RNF170: variants seen among roughly 807,000 people sequenced by gnomAD.
The protein encoded by RNF170 is ring finger protein 170.
RNF170 carries 12 observed loss-of-function variants against 32.7 expected under a neutral mutation model. The ratio of observed to expected loss-of-function variants is 0.37; its 90% CI spans 0.24 to 0.60. The LOEUF (loss-of-function observed/expected upper bound fraction) is 0.60, where lower values mean the gene tolerates loss of function less well. RNF170 is among the 20% of genes least tolerant of loss of function. The pLI, the probability that RNF170 is intolerant of heterozygous loss-of-function variation, is 0.72. For missense variants in RNF170, 212 were observed against 311.2 expected (o/e 0.68, Z 2.40); for synonymous variants, 91 against 103.6 (o/e 0.88, Z 0.74).
intron 1 of RNF170, among the ~76,000 whole-genome samples, chr8:42,894,978 A>G (rs1806648123): frequency 6.6e-6 from 1 of 151,868 alleles, no homozygotes; most frequent in Admixed American, 6.6e-5. Context: ...CTAAATGATC[A>G]GGGGTCAACT....
chr8:42,879,124 C>T (rs1805178655), intron 2 of RNF170, among the ~76,000 whole-genome samples: 1 of 152,128 alleles, frequency 6.6e-6, no homozygotes, highest in African/African-American at 2.4e-5. Flanking sequence ...GATAATACAC[C>T]TAGTCACCCA....
chr8:42,895,441 T>G (rs1010597445), intron 1 of RNF170, among the ~76,000 whole-genome samples: 1 of 152,138 alleles, frequency 6.6e-6, no homozygotes, highest in Non-Finnish European at 1.5e-5. Flanking sequence ...AAGTGTGTCT[T>G]GGGAAGTTAG....
intron 1 of RNF170, among the ~76,000 whole-genome samples, chr8:42,894,648 T>G (rs1243757414): frequency 1.3e-5 from 2 of 152,146 alleles, no homozygotes; most frequent in Non-Finnish European, 2.9e-5. Context: ...CACTGCAACC[T>G]CAGCCTCCCG....
Position 42,853,309 on chromosome 8 carries a change from A to G in RNF170, c.*2850T>C. The G allele has an allele frequency of 8.4e-7, 1 of 1,192,576 alleles. No homozygotes were observed. The highest frequency in any genetic ancestry group is 1.1e-6 in the Non-Finnish European group (1 of 938,772). 73.9% of individuals were successfully genotyped at this position (1,192,576 alleles called of 1,614,324 possible). A position where few individuals can be genotyped will look rare whatever the true frequency, so the allele number is the denominator to read the frequency against. On this transcript the variant is annotated 3_prime_UTR_variant, in exon 7 of 7. Transcript: ENST00000527424. ...AAATAACACCTTTAAAATGTTTTAG[A>G]TATGTTGCTTTTATTCAAAAGAATA...
intron 2 of RNF170, among the ~76,000 whole-genome samples, chr8:42,879,721 T>TG (rs1805233665): frequency 6.6e-6 from 1 of 151,942 alleles, no homozygotes; most frequent in Admixed American, 6.6e-5. Context: ...TTGCCCAGGC[T>TG]GGGAGTATAG....
Position 42,861,865 on chromosome 8 carries a change from A to G in RNF170, c.397-10T>C. On this transcript the variant is annotated splice_polypyrimidine_tract_variant and intron_variant, in intron 5 of 6. Transcript: ENST00000527424. ...TTAGGAGTAAGGTTACCTGTATATT[A>G]CAGAAAAAAAAATTATTTCAACTTT... 4 of 1,600,196 alleles carry G rather than the reference A, an allele frequency of 2.5e-6. No homozygotes were observed. The highest frequency in any genetic ancestry group is 3.4e-6 in the Non-Finnish European group (4 of 1,174,236).
At chr8:42,887,914 T>C (rs1463154957) in intron 1 of RNF170, 43 bp from the exon 2 acceptor site, 2 of 1,554,390 alleles carry the variant, frequency 1.3e-6, no homozygotes, top group African/African-American at 1.4e-5. Flanking sequence ...AATGACACAG[T>C]GAAAATGAAA....
chr8:42,851,879 T>A (rs963105206), downstream of RNF170, among the ~76,000 whole-genome samples: 1 of 152,208 alleles, frequency 6.6e-6, no homozygotes, highest in Non-Finnish European at 1.5e-5. Context: ...GTGATCCTCC[T>A]GCCTCGGACT....
chr8:42,887,842 A>T lies in RNF170; in HGVS notation c.23T>A (p.Val8Asp). The change falls in exon 2 of 7, where the codon GTT (valine) becomes GAT (aspartate). Residue 8 changes from valine to aspartate, a missense_variant. Around this residue, in one of 2 missense-constraint regions of RNF170, gnomAD observed 115 missense variants for 132.3 expected, o/e 0.87. Coordinates refer to ENST00000527424, the MANE Select transcript of RNF170 (RefSeq NM_030954.4). MAKYQGE[V>D]QSLKLDDDSV... ...ATCATCATCCAGTTTCAAACTTTGA[A>T]CTTCACCTTGATATTTGGCCATTCC... 1 of 1,614,044 alleles carries T rather than the reference A, an allele frequency of 6.2e-7. No homozygotes were observed. Among genetic ancestry groups the T allele is most frequent in the Non-Finnish European group, 8.5e-7 (1 of 1,179,884 alleles).
At chr8:42,868,240 G>T (rs1303270538) in intron 4 of RNF170, among the ~76,000 whole-genome samples, 1 of 152,108 alleles carries the variant, frequency 6.6e-6, no homozygotes, top group African/African-American at 2.4e-5. Flanking sequence ...ACATGGTATG[G>T]GTTCCAAATA....
chr8:42,892,674 G>GT (rs559187435), intron 1 of RNF170, among the ~76,000 whole-genome samples: 9,188 of 130,824 alleles, frequency 0.07, 578 homozygotes, highest in Admixed American at 0.16. Context: ...CTGTTGCAGC[G>GT]TTTTTTTTTT....
At chr8:42,876,615 T>C (rs1804951480) in intron 2 of RNF170, among the ~76,000 whole-genome samples, 1 of 151,990 alleles carries the variant, frequency 6.6e-6, no homozygotes, top group Non-Finnish European at 1.5e-5. Context: ...TAAATGTTTA[T>C]TGTTTAAGCC....
intron 4 of RNF170, among the ~76,000 whole-genome samples, chr8:42,868,848 TTTCAA>T (rs1804314480): frequency 6.7e-6 from 1 of 148,422 alleles, no homozygotes; most frequent in Admixed American, 6.7e-5. Context: ...CGAGACTGCA[TTTCAA>T]AAAAAAAAAA....
downstream of RNF170, chr8:42,850,843 C>G: frequency 6.4e-7 from 1 of 1,551,566 alleles, no homozygotes; most frequent in Non-Finnish European, 8.7e-7. Flanking sequence ...GAAGCATAAA[C>G]GTGGTGAGGC....
At chr8:42,861,611 A>C (rs368676937) in intron 6 of RNF170, 134 bp downstream of exon 6, 2 of 745,948 alleles carry the variant, frequency 2.7e-6, no homozygotes, top group Admixed American at 4.1e-5. Flanking sequence ...CCAAAGTGCT[A>C]GGATTATAGG....
intron 3 of RNF170, 69 bp from the exon 4 acceptor site, chr8:42,870,181 T>C (rs768502877): frequency 1.2e-5 from 13 of 1,092,858 alleles, no homozygotes; most frequent in African/African-American, 3.1e-5. Flanking sequence ...TCATGTTAAA[T>C]TATATTTGAG....
intron 2 of RNF170, among the ~76,000 whole-genome samples, chr8:42,885,864 T>G (rs184478565): frequency 5.3e-4 from 80 of 152,252 alleles, no homozygotes; most frequent in Middle Eastern, 6.8e-3. Context: ...GCTTAAGTGA[T>G]CTTGCCATCT....
At chr8:42,883,570 G>GAAAAAAAAAAA (rs34475440) in intron 2 of RNF170, among the ~76,000 whole-genome samples, 1 of 43,736 alleles carries the variant, frequency 2.3e-5, no homozygotes. Flanking sequence ...CTCTGTCTCA[G>GAAAAAAAAAAA]AAAAAAAAAA....
At chr8:42,873,268 A>G (rs1039723988) in intron 3 of RNF170, among the ~76,000 whole-genome samples, 1 of 151,518 alleles carries the variant, frequency 6.6e-6, no homozygotes, top group African/African-American at 2.4e-5. Context: ...CCGGGGCAAC[A>G]TAGTGAGACC....
Sources: allele counts gnomAD v4.1 joint callset (sites outside exome capture counted in the v4.1 genomes callset), GRCh38; gene constraint gnomAD v4.1.1; regional missense constraint gnomAD v4.1.1; transcripts MANE v1.5; gene names NCBI Gene and HGNC (gene_info 2026-07-23, HGNC 2026-07-21).